Variants in CAMTA1 observed in about 807,000 individuals in gnomAD.
The protein encoded by CAMTA1 is calmodulin binding transcription activator 1.
Under a neutral mutation model 170.9 loss-of-function variants are expected in CAMTA1, and 27 were observed. The observed-to-expected ratio is 0.16, with a 90% CI of 0.12 to 0.22. CAMTA1 has a LOEUF of 0.22. Among genes scored for constraint, CAMTA1 ranks in the 10% least tolerant of loss-of-function variants. CAMTA1 has a pLI of 1.00. For synonymous variants in CAMTA1, 833 were observed against 891.5 expected (o/e 0.93, Z 1.17); for missense variants, 1,619 against 2,217.2 (o/e 0.73, Z 5.42).
intron 5 of CAMTA1, among the ~76,000 whole-genome samples, chr1:7,386,607 G>T (rs886946588): frequency 6.6e-6 from 1 of 152,106 alleles, no homozygotes; most frequent in African/African-American, 2.4e-5. Flanking sequence ...TCCTAAGAAG[G>T]CCGTGCACCT....
chr1:7,272,698 A>AAAAAAAAAAAAAAAAAAAAG (rs1670001508), intron 5 of CAMTA1, among the ~76,000 whole-genome samples: 1 of 136,358 alleles, frequency 7.3e-6, no homozygotes, highest in Non-Finnish European at 1.5e-5. Flanking sequence ...CATGCAAAAA[A>AAAAAAAAAAAAAAAAAAAAG]AAAAAAAAAA....
rs539923300 is a variant in CAMTA1 at position 7,050,951 on chromosome 1, C to T, written c.235-40353C>T. On this transcript the variant is annotated intron_variant, in intron 3 of 22. Transcript: ENST00000303635. This position sits in a 1 kb window ranked among gnomAD's most constrained non-coding sequence, Gnocchi z 4.8. ...CCCGGCCCTCTGTACTGTGTGTTCC[C>T]AGGCACAGGGAGAATGACTGTGCTG... Among the ~76,000 whole-genome samples the T allele has an allele frequency of 6.6e-6, 1 of 152,306 alleles. No individual in the cohort carries two copies. The highest frequency in any genetic ancestry group is 1.9e-4 in the East Asian group (1 of 5,184).
intron 5 of CAMTA1, among the ~76,000 whole-genome samples, chr1:7,442,646 C>T (rs1184503480): frequency 3.3e-5 from 5 of 152,130 alleles, no homozygotes; most frequent in Non-Finnish European, 4.4e-5. Flanking sequence ...TTACTCAACG[C>T]GTGACTTGGC....
chr1:7,498,178 GTGTA>G (rs2093863507), intron 6 of CAMTA1, among the ~76,000 whole-genome samples: 1 of 110,718 alleles, frequency 9.0e-6, no homozygotes, highest in African/African-American at 4.2e-5. Context: ...GTGCATGTGT[GTGTA>G]TGAGAGTGAG....
intron 6 of CAMTA1, among the ~76,000 whole-genome samples, chr1:7,628,626 T>C (rs141914185): frequency 6.6e-6 from 1 of 152,320 alleles, no homozygotes; most frequent in African/African-American, 2.4e-5. Context: ...CATCAGTCAC[T>C]CTAGAGATGC....
At chr1:7,311,047 T>C (rs1471227243) in intron 5 of CAMTA1, among the ~76,000 whole-genome samples, 1 of 152,172 alleles carries the variant, frequency 6.6e-6, no homozygotes, top group Non-Finnish European at 1.5e-5. Context: ...ATTGTTTTTC[T>C]TTGTCTTTAG....
chr1:7,464,274 C>T (rs977557619), intron 5 of CAMTA1, among the ~76,000 whole-genome samples: 7 of 152,196 alleles, frequency 4.6e-5, no homozygotes, highest in Admixed American at 2.0e-4. Flanking sequence ...GATTTATCCA[C>T]GAGCCCCGGA....
At chr1:7,160,576 C>G (rs1647155820) in intron 4 of CAMTA1, among the ~76,000 whole-genome samples, 1 of 152,166 alleles carries the variant, frequency 6.6e-6, no homozygotes, top group African/African-American at 2.4e-5. Flanking sequence ...TTTGTGACCT[C>G]CCATTCCTAT....
chr1:7,218,644 C>A (rs1402452411), intron 4 of CAMTA1, among the ~76,000 whole-genome samples: 1 of 152,140 alleles, frequency 6.6e-6, no homozygotes, highest in African/African-American at 2.4e-5. Flanking sequence ...TATCTGGATT[C>A]ATTTTTGGTA....
At chr1:7,466,586 G>T (rs527926537) in intron 5 of CAMTA1, among the ~76,000 whole-genome samples, 15 of 152,270 alleles carry the variant, frequency 9.9e-5, no homozygotes, top group Admixed American at 7.2e-4. Flanking sequence ...CTGGAGAGCT[G>T]GTTCAAGGGT....
chr1:7,498,647 AATGT>A (rs1480961095), intron 6 of CAMTA1, among the ~76,000 whole-genome samples: 4 of 152,122 alleles, frequency 2.6e-5, no homozygotes, highest in African/African-American at 7.2e-5. Flanking sequence ...CATGCATGTG[AATGT>A]ATGTGGATGT....
At chr1:7,701,023 C>T (rs1042109710) in intron 11 of CAMTA1, 1 of 152,144 alleles carries the variant, frequency 6.6e-6, no homozygotes, top group Non-Finnish European at 1.5e-5. Context: ...AGAGTGAGAT[C>T]CTGTCTCAAA....
chr1:7,004,391 G>C (rs974288697), intron 3 of CAMTA1, among the ~76,000 whole-genome samples: 3 of 152,288 alleles, frequency 2.0e-5, no homozygotes, highest in East Asian at 3.9e-4. Context: ...AGCTGCTCTG[G>C]GTTGGCTTCT....
At chr1:7,727,483 G>A (rs780739184) in intron 11 of CAMTA1, among the ~76,000 whole-genome samples, 22 of 152,182 alleles carry the variant, frequency 1.4e-4, no homozygotes, top group Non-Finnish European at 2.6e-4. Flanking sequence ...TCTGTTGGTC[G>A]ACAAAAGAGG....
At chr1:7,087,304 A>C (rs1380169166) in intron 3 of CAMTA1, among the ~76,000 whole-genome samples, 1 of 152,204 alleles carries the variant, frequency 6.6e-6, no homozygotes, top group Non-Finnish European at 1.5e-5. Flanking sequence ...AAAGGGCTCC[A>C]TGGAGACAAG....
At chr1:7,273,017 T>C (rs558429003) in intron 5 of CAMTA1, among the ~76,000 whole-genome samples, 27 of 152,282 alleles carry the variant, frequency 1.8e-4, no homozygotes, top group African/African-American at 6.0e-4. Context: ...AACAGCATCA[T>C]TAATCATCAG....
rs143748398 is a variant in CAMTA1 at position 7,368,761 on chromosome 1, C to A, written c.439-99069C>A. Among the ~76,000 whole-genome samples, 95 of 152,306 alleles carry A rather than the reference C, an allele frequency of 6.2e-4. 2 individuals are homozygous for A. The East Asian group carries it at 0.018, about 28-fold the overall frequency. ...GTGGTACCTGGCTCGCTGTGGTGTT[C>A]CGCACATGTTGTTAAATTTAAATTG... On this transcript the variant is annotated intron_variant, in intron 5 of 22. Transcript: ENST00000303635.
chr1:6,799,110 C>G (rs1643303125), intron 1 of CAMTA1, among the ~76,000 whole-genome samples: 1 of 152,142 alleles, frequency 6.6e-6, no homozygotes, highest in Non-Finnish European at 1.5e-5. Context: ...GAGTCTTGAT[C>G]TGTCACCCAG....
Position 7,564,376 on chromosome 1 carries a change from G to C in CAMTA1, c.511-76024G>C, listed in dbSNP as rs926034181. Among the ~76,000 whole-genome samples, 3 of 152,244 alleles carry C rather than the reference G, an allele frequency of 2.0e-5. No homozygotes were observed. In the East Asian group the frequency reaches 5.8e-4, roughly 29 times the overall value. ...TTGTAAGGGCCGTGGGAGGGACAGCGGTTATAGTGAACCCTGAAAATTAAT... is the reference window on the plus strand; with the variant it reads ...TTGTAAGGGCCGTGGGAGGGACAGCCGTTATAGTGAACCCTGAAAATTAAT... On this transcript the variant is annotated intron_variant, in intron 6 of 22. Transcript: ENST00000303635.
Sources: allele counts gnomAD v4.1 joint callset (sites outside exome capture counted in the v4.1 genomes callset), GRCh38; gene constraint gnomAD v4.1.1; non-coding constraint Gnocchi (gnomAD v3.1); transcripts MANE v1.5; gene names NCBI Gene and HGNC (gene_info 2026-07-23, HGNC 2026-07-21).